MYRIP: variants seen among roughly 807,000 people sequenced by gnomAD.
MYRIP encodes the protein rab effector MyRIP.
Under a neutral mutation model 98.0 loss-of-function variants are expected in MYRIP, and 49 were observed. That is an observed-to-expected ratio of 0.50 (90% CI 0.40 to 0.63). The LOEUF is 0.63. Among genes scored for constraint, MYRIP ranks in the 30% least tolerant of loss-of-function variants. The pLI, the probability that MYRIP is intolerant of heterozygous loss-of-function variation, is 0.00. For missense variants in MYRIP, 1,004 were observed against 1,058.2 expected, an observed-to-expected ratio of 0.95 and a Z score of 0.71; for synonymous variants, 404 against 409.5, an observed-to-expected ratio of 0.99 and a Z score of 0.16.
chr3:39,902,131 A>G (rs1056226996), intron 2 of MYRIP, among the ~76,000 whole-genome samples: 12 of 152,340 alleles, frequency 7.9e-5, no homozygotes, highest in South Asian at 2.1e-4. Context: ...TTCACTGAAT[A>G]TAAAGACAGA....
chr3:40,202,949 G>C (rs544600239), intron 10 of MYRIP, among the ~76,000 whole-genome samples: 1 of 113,946 alleles, frequency 8.8e-6, no homozygotes, highest in African/African-American at 3.2e-5. Flanking sequence ...TTATTTATTT[G>C]AGACTGAGTT....
intron 3 of MYRIP, among the ~76,000 whole-genome samples, chr3:40,107,084 C>A (rs571505328): frequency 3.9e-5 from 6 of 152,172 alleles, no homozygotes; most frequent in Non-Finnish European, 8.8e-5. Flanking sequence ...GTATTGCAAC[C>A]CATGCGCTCA....
chr3:40,137,803 A>G (rs1311238364), intron 3 of MYRIP, among the ~76,000 whole-genome samples: 1 of 152,198 alleles, frequency 6.6e-6, no homozygotes, highest in African/African-American at 2.4e-5. Flanking sequence ...TAAGCAAGTG[A>G]GTGAACAATG....
At chr3:40,234,151 T>TAC (rs975104070) in intron 12 of MYRIP, 98 bp downstream of exon 12, 23 of 1,173,486 alleles carry the variant, frequency 2.0e-5, no homozygotes, top group East Asian at 8.0e-5. Flanking sequence ...GACACACACA[T>TAC]ACACACACAC....
At chr3:40,205,236 C>T (rs569036427) in intron 10 of MYRIP, among the ~76,000 whole-genome samples, 8 of 152,208 alleles carry the variant, frequency 5.3e-5, no homozygotes, top group African/African-American at 9.6e-5. Context: ...AAGTGAAATT[C>T]GTCTTTTGAA....
At chr3:40,233,210 G>A (rs918398746) in intron 11 of MYRIP, among the ~76,000 whole-genome samples, 17 of 152,320 alleles carry the variant, frequency 1.1e-4, no homozygotes, top group African/African-American at 3.4e-4. Context: ...ACTACACCTA[G>A]CTGCAAGGGA....
intron 5 of MYRIP, among the ~76,000 whole-genome samples, chr3:40,166,425 G>C (rs535271304): frequency 6.6e-6 from 1 of 152,268 alleles, no homozygotes; most frequent in East Asian, 1.9e-4. Context: ...ATGACCTGTG[G>C]GAAGGGGCCG....
intron 2 of MYRIP, among the ~76,000 whole-genome samples, chr3:39,936,384 G>A (rs1221939454): frequency 3.3e-5 from 5 of 152,204 alleles, no homozygotes; most frequent in Non-Finnish European, 5.9e-5. Context: ...GCCTCCACAG[G>A]GGAGTGATGG....
chr3:39,871,878 G>A (rs895731383), intron 1 of MYRIP, among the ~76,000 whole-genome samples: 3 of 151,864 alleles, frequency 2.0e-5, no homozygotes, highest in African/African-American at 7.2e-5. Flanking sequence ...TGCTTACTGA[G>A]TACCAAGCAT....
chr3:40,140,772 T>C (rs1575570657), intron 3 of MYRIP, among the ~76,000 whole-genome samples: 1 of 152,150 alleles, frequency 6.6e-6, no homozygotes, highest in East Asian at 1.9e-4. Flanking sequence ...TTTTTAAAAT[T>C]TTTTGTGGGT....
Position 40,258,202 on chromosome 3 carries a change from C to A in MYRIP, c.*36C>A. On this transcript the variant is annotated 3_prime_UTR_variant, in exon 17 of 17. Transcript: ENST00000302541. ...TTCCACTGCCAGTGACCCACTGCCT[C>A]CGGCCGTACACGACAGTGCCTTGAC... 1 of 1,613,804 alleles carries A rather than the reference C, an allele frequency of 6.2e-7. No individual in the cohort carries two copies. The highest frequency in any genetic ancestry group is 8.5e-7 in the Non-Finnish European group (1 of 1,179,692).
chr3:40,138,632 A>C (rs185319652), intron 3 of MYRIP, among the ~76,000 whole-genome samples: 303 of 152,290 alleles, frequency 2.0e-3, no homozygotes, highest in Middle Eastern at 6.8e-3. Flanking sequence ...AGTTAATAGA[A>C]GTTATAAAGT....
chr3:40,096,672 C>G (rs935511400), intron 3 of MYRIP, among the ~76,000 whole-genome samples: 31 of 152,294 alleles, frequency 2.0e-4, no homozygotes, highest in Middle Eastern at 3.4e-3. Flanking sequence ...CCCAGGGGAG[C>G]TGCTATGAGA....
chr3:40,084,323 CGA>C lies in MYRIP; in HGVS notation c.332+40053_332+40054del, dbSNP rs1559393620. On this transcript the variant is annotated intron_variant, in intron 3 of 16. Transcript: ENST00000302541. The stretch of plus-strand genomic sequence containing the variant: ...TAATACACATCTATGTATTATATAT[CGA>C]TAGATAATACACATCTATGTATTAT... Among the ~76,000 whole-genome samples the C allele has an allele frequency of 2.0e-3, 150 of 76,858 alleles. 1 individual carries two copies. The highest frequency in any genetic ancestry group is 4.7e-3 in the African/African-American group (82 of 17,526). The allele number at this position is 76,858 out of a possible 152,430, so 50.4% of individuals were successfully genotyped here.
chr3:40,076,820 C>A (rs1308162438), intron 3 of MYRIP, among the ~76,000 whole-genome samples: 1 of 152,182 alleles, frequency 6.6e-6, no homozygotes, highest in South Asian at 2.1e-4. Flanking sequence ...GAAAGTATTA[C>A]CTTACCCTCC....
intron 3 of MYRIP, among the ~76,000 whole-genome samples, chr3:40,097,446 T>G (rs1948853866): frequency 6.6e-6 from 1 of 152,100 alleles, no homozygotes; most frequent in South Asian, 2.1e-4. Flanking sequence ...TGAATCTTGG[T>G]CAGTGTTTTC....
At position 39,893,032 on chromosome 3, in the gene MYRIP, T is replaced by A. The variant is rs544337752; in HGVS notation, c.-30-7755T>A. ...TTGTTTTGGTTCCTATCTCAGCTGA[T>A]GTTATCAAACTTGACCAAGTGGGTT... On this transcript the variant is annotated intron_variant, in intron 1 of 16. Transcript: ENST00000302541. Among the ~76,000 whole-genome samples the A allele has an allele frequency of 5.9e-5, 9 of 152,338 alleles. No homozygotes were observed. In the South Asian group the frequency reaches 1.9e-3, roughly 32 times the overall value.
At chr3:40,122,012 T>A (rs1239431234) in intron 3 of MYRIP, among the ~76,000 whole-genome samples, 1 of 152,210 alleles carries the variant, frequency 6.6e-6, no homozygotes, top group Non-Finnish European at 1.5e-5. Context: ...ATTATTTTTG[T>A]TTAAATATTT....
At chr3:40,123,115 T>C (rs1483021550) in intron 3 of MYRIP, among the ~76,000 whole-genome samples, 1 of 152,242 alleles carries the variant, frequency 6.6e-6, no homozygotes, top group African/African-American at 2.4e-5. Flanking sequence ...ATTTAAATCC[T>C]ATAGAAATGT....
Sources: gnomAD v4.1 joint callset for allele counts (sites outside exome capture counted in the v4.1 genomes callset) on GRCh38, gnomAD v4.1.1 for gene constraint, MANE v1.5 for transcripts, NCBI Gene and HGNC (gene_info 2026-07-23, HGNC 2026-07-21) for gene names.